HSD17B11: variants seen among roughly 807,000 people sequenced by gnomAD.
HSD17B11 encodes the protein hydroxysteroid 17-beta dehydrogenase 11.
A neutral mutation model predicts 27.8 loss-of-function variants in HSD17B11; 22 were observed. That is an observed-to-expected ratio of 0.79 (90% CI 0.56 to 1.13). The LOEUF is 1.13. HSD17B11 is among the 50% of genes most tolerant of loss of function. HSD17B11 has a pLI of 0.00. For synonymous variants in HSD17B11, 117 were observed against 132.8 expected, an observed-to-expected ratio of 0.88 and a Z score of 0.82; for missense variants, 314 against 351.1, an observed-to-expected ratio of 0.89 and a Z score of 0.84.
At chr4:87,361,202 GCCACCAAAACCAAAC>G (rs1156542930) in intron 4 of HSD17B11, among the ~76,000 whole-genome samples, 2 of 152,096 alleles carry the variant, frequency 1.3e-5, no homozygotes, top group African/African-American at 2.4e-5. Context: ...CAATAAAGGA[GCCACCAAAACCAAAC>G]CCACCAAAAC....
chr4:87,344,039 T>C (rs1416502742), intron 5 of HSD17B11, among the ~76,000 whole-genome samples: 1 of 152,200 alleles, frequency 6.6e-6, no homozygotes, highest in African/African-American at 2.4e-5. Context: ...CTACCTGACA[T>C]CACTGAATGA....
intron 1 of HSD17B11, among the ~76,000 whole-genome samples, chr4:87,384,949 C>T (rs1259926750): frequency 5.9e-5 from 9 of 152,172 alleles, no homozygotes; most frequent in South Asian, 4.1e-4. Context: ...TCACCCCCAG[C>T]GGCCCAGTTG....
At chr4:87,359,147 CTG>C (rs1364472423) in intron 4 of HSD17B11, among the ~76,000 whole-genome samples, 7 of 152,170 alleles carry the variant, frequency 4.6e-5, no homozygotes, top group African/African-American at 1.4e-4. Context: ...CCACGCAGAA[CTG>C]TGAGTCAATT....
chr4:87,383,489 G>T (rs1423567937), intron 1 of HSD17B11, among the ~76,000 whole-genome samples: 2 of 152,094 alleles, frequency 1.3e-5, no homozygotes, highest in East Asian at 3.8e-4. Context: ...TGTTTAGAAG[G>T]TAAAATCAGT....
At chr4:87,344,718 A>T (rs1361024504) in intron 5 of HSD17B11, among the ~76,000 whole-genome samples, 1 of 152,220 alleles carries the variant, frequency 6.6e-6, no homozygotes, top group Non-Finnish European at 1.5e-5. Context: ...ACACATGGAA[A>T]ATTTTCTCCC....
chr4:87,363,748 A>G (rs1279780882), intron 4 of HSD17B11, among the ~76,000 whole-genome samples: 1 of 152,218 alleles, frequency 6.6e-6, no homozygotes, highest in Non-Finnish European at 1.5e-5. Context: ...GACACTGCCC[A>G]GACCTGTAGC....
At position 87,374,784 on chromosome 4, in the gene HSD17B11, C is replaced by T. The variant is rs761094440; in HGVS notation, c.365G>A (p.Gly122Asp). The T allele has an allele frequency of 1.3e-6, 2 of 1,589,482 alleles. No homozygotes were observed. Among genetic ancestry groups the T allele is most frequent in the South Asian group, 1.1e-5 (1 of 86,976 alleles). Residue 122 changes from glycine (G) to aspartate (D), a missense_variant, in exon 3 of 7, where the codon GGT becomes GAT. Gly to Asp is a moderately conservative substitution (Grantham distance 94). Coordinates refer to ENST00000358290, the MANE Select transcript of HSD17B11 (RefSeq NM_016245.5). The stretch of plus-strand genomic sequence containing the variant: ...AAACAAATCTGATGTATAGACTACA[C>T]CAGCATTATTTACTAAAATACTAAC... ...GDVSILVNNA[G>D]VVYTSDLFAT...
intron 2 of HSD17B11, among the ~76,000 whole-genome samples, chr4:87,376,903 G>T (rs1378867606): frequency 1.3e-5 from 2 of 152,094 alleles, no homozygotes; most frequent in Non-Finnish European, 2.9e-5. Context: ...GCCAAGGTGG[G>T]TGGATCACTT....
intron 2 of HSD17B11, among the ~76,000 whole-genome samples, chr4:87,378,273 T>G (rs1735884008): frequency 6.6e-6 from 1 of 152,218 alleles, no homozygotes; most frequent in Non-Finnish European, 1.5e-5. Context: ...CTTGACCCTT[T>G]CTTCATCATT....
chr4:87,355,903 C>CA (rs70957227), intron 5 of HSD17B11, among the ~76,000 whole-genome samples: 18 of 147,370 alleles, frequency 1.2e-4, no homozygotes, highest in South Asian at 4.7e-4. Flanking sequence ...AACCCTGTCT[C>CA]AAAAAAAACA....
At position 87,340,585 on chromosome 4, in the gene HSD17B11, A is replaced by G; in HGVS notation, c.717T>C (p.Pro239=). ...GCATCAGCCTGTTTACCACTTCCTCAGGTTCCAGAGTGGGTCCCAAACTGA... is the reference window on the plus strand; with the variant it reads ...GCATCAGCCTGTTTACCACTTCCTCGGGTTCCAGAGTGGGTCCCAAACTGA... The part of the protein sequence containing the change: ...PSTSLGPTLE[P]EEVVNRLMHG... Residue 239 remains proline, a synonymous_variant, in exon 6 of 7, where the codon CCT becomes CCC. Transcript: ENST00000358290. 1.9e-6 allele frequency: 3 copies of G among 1,612,338 alleles called. No individual in the cohort carries two copies. The highest frequency in any genetic ancestry group is 2.5e-6 in the Non-Finnish European group (3 of 1,179,108).
intron 4 of HSD17B11, among the ~76,000 whole-genome samples, chr4:87,364,953 G>A (rs973854156): frequency 2.0e-5 from 3 of 152,218 alleles, no homozygotes; most frequent in African/African-American, 7.2e-5. Context: ...CGGATCACTT[G>A]AGGTCAGGAG....
At chr4:87,371,719 A>T (rs1373897347) in intron 4 of HSD17B11, among the ~76,000 whole-genome samples, 1 of 152,220 alleles carries the variant, frequency 6.6e-6, no homozygotes, top group African/African-American at 2.4e-5. Flanking sequence ...AAGTCCTATC[A>T]TTGATCAGAT....
intron 5 of HSD17B11, among the ~76,000 whole-genome samples, chr4:87,355,518 A>C (rs1735366811): frequency 6.6e-6 from 1 of 151,342 alleles, no homozygotes; most frequent in East Asian, 1.9e-4. Flanking sequence ...ACAAAAAACA[A>C]CTGGGGAAAA....
At chr4:87,340,715 T>C (rs1056575621) in intron 5 of HSD17B11, 109 bp from the exon 6 acceptor site, 2 of 681,972 alleles carry the variant, frequency 2.9e-6, no homozygotes, top group Non-Finnish European at 5.1e-6. Flanking sequence ...ACATAACTGA[T>C]TTGTAGTGTC....
intron 2 of HSD17B11, among the ~76,000 whole-genome samples, chr4:87,380,569 T>C (rs1720126987): frequency 6.6e-6 from 1 of 151,340 alleles, no homozygotes; most frequent in Non-Finnish European, 1.5e-5. Flanking sequence ...TCAAAATATC[T>C]GATAATGGGC....
intron 4 of HSD17B11, among the ~76,000 whole-genome samples, chr4:87,361,553 G>A (rs949825735): frequency 1.3e-5 from 2 of 152,060 alleles, no homozygotes; most frequent in Non-Finnish European, 2.9e-5. Flanking sequence ...GGATCACGAG[G>A]TCAGGAGATC....
intron 4 of HSD17B11, among the ~76,000 whole-genome samples, chr4:87,367,365 G>T (rs1735630366): frequency 6.6e-6 from 1 of 152,132 alleles, no homozygotes; most frequent in South Asian, 2.1e-4. Flanking sequence ...GGTCCAGGAG[G>T]CCCAAGTTAA....
At chr4:87,375,875 C>G (rs1735813627) in intron 2 of HSD17B11, among the ~76,000 whole-genome samples, 1 of 152,242 alleles carries the variant, frequency 6.6e-6, no homozygotes, top group Non-Finnish European at 1.5e-5. Flanking sequence ...TTCAATCGCT[C>G]TCCATTAGGT....
Sources: allele counts gnomAD v4.1 joint callset (sites outside exome capture counted in the v4.1 genomes callset), GRCh38; gene constraint gnomAD v4.1.1; transcripts MANE v1.5; gene names NCBI Gene and HGNC (gene_info 2026-07-23, HGNC 2026-07-21).